EDNRA: variants seen among roughly 807,000 people sequenced by gnomAD.
EDNRA encodes endothelin-1 receptor.
A neutral mutation model predicts 41.4 loss-of-function variants in EDNRA; 11 were observed. The ratio of observed to expected loss-of-function variants is 0.27; its 90% CI spans 0.17 to 0.44. EDNRA has a LOEUF of 0.44. EDNRA is among the 20% of genes least tolerant of loss of function. The pLI is 1.00. For missense variants in EDNRA, 294 were observed against 531.0 expected, an observed-to-expected ratio of 0.55 and a Z score of 4.39; for synonymous variants, 172 against 183.0, an observed-to-expected ratio of 0.94 and a Z score of 0.49.
chr4:147,520,486 G>T (rs1730285577), intron 3 of EDNRA: 1 of 518,234 alleles, frequency 1.9e-6, no homozygotes, highest in African/African-American at 1.9e-5. Context: ...ATCCAATTCT[G>T]AAAACTCCAT....
intron 2 of EDNRA, chr4:147,487,850 C>A (rs1462662652): frequency 6.6e-6 from 1 of 152,182 alleles, no homozygotes; most frequent in Non-Finnish European, 1.5e-5. Flanking sequence ...GAATTTAGAA[C>A]TAAACTATGA....
intron 3 of EDNRA, among the ~76,000 whole-genome samples, chr4:147,528,403 G>C (rs1730629956): frequency 2.7e-5 from 4 of 147,878 alleles, no homozygotes; most frequent in African/African-American, 1.0e-4. Context: ...TGTCACCCAG[G>C]CTGGAGTGCA....
intron 3 of EDNRA, among the ~76,000 whole-genome samples, chr4:147,528,669 G>A (rs1281172383): frequency 6.6e-6 from 1 of 152,090 alleles, no homozygotes; most frequent in Admixed American, 6.6e-5. Context: ...GGAGAGCATA[G>A]ATGATAAACC....
At chr4:147,539,262 A>T (rs1218286370) in intron 5 of EDNRA, among the ~76,000 whole-genome samples, 1 of 152,068 alleles carries the variant, frequency 6.6e-6, no homozygotes, top group Non-Finnish European at 1.5e-5. Flanking sequence ...GAAAAGGAAA[A>T]AACATAGTGC....
At position 147,485,789 on chromosome 4, in the gene EDNRA, T is replaced by C. The variant is rs1347289323; in HGVS notation, c.108T>C (p.Asp36=). ...YSTNLSNHVD[D]FTTFRGTELS... ...CAAATCTAAGCAATCATGTGGATGATTTCACCACTTTTCGTGGCACAGAGC... is the reference window on the plus strand; with the variant it reads ...CAAATCTAAGCAATCATGTGGATGACTTCACCACTTTTCGTGGCACAGAGC... Residue 36 remains aspartate, a synonymous_variant, in exon 2 of 8, where the codon GAT becomes GAC. Transcript: ENST00000651419. 5 of 1,614,130 alleles carry C rather than the reference T, an allele frequency of 3.1e-6. No individual in the cohort carries two copies.
Position 147,516,829 on chromosome 4 carries a change from T to C in EDNRA, c.421-3022T>C, listed in dbSNP as rs369398563. On this transcript the variant is annotated intron_variant, in intron 2 of 7. Coordinates refer to ENST00000651419, the MANE Select transcript of EDNRA (RefSeq NM_001957.4). ...AGGATGTATTCTCTTAAACAGTTAC[T>C]TATTTATTCCTCTCCTAGTCTATTT... Among the ~76,000 whole-genome samples the C allele has an allele frequency of 1.3e-4, 20 of 152,338 alleles. No individual in the cohort carries two copies. In the East Asian group the frequency reaches 2.3e-3, roughly 18 times the overall value.
chr4:147,534,111 T>C (rs957627354), intron 4 of EDNRA, among the ~76,000 whole-genome samples: 2 of 152,190 alleles, frequency 1.3e-5, no homozygotes, highest in African/African-American at 4.8e-5. Flanking sequence ...CTGTGGGCCT[T>C]TGCCATGGAG....
In EDNRA at chr4:147,540,028, C is replaced by A. The variant is rs1242038865; in HGVS notation, c.1034+78C>A. 5 of 1,511,396 alleles carry A rather than the reference C, an allele frequency of 3.3e-6. No homozygotes were observed. The African/African-American group carries it at 5.6e-5, about 17-fold the overall frequency. The allele number at this position is 1,511,396 out of a possible 1,614,324, so 93.6% of individuals were successfully genotyped here. ...TATAATACTTTTACAAAACCAGCTA[C>A]TCTACATGCCCGTTAGCCCTGAAAA... is the stretch of plus-strand genomic sequence containing the variant. On this transcript the variant is annotated intron_variant, in intron 6 of 7. Coordinates refer to ENST00000651419, the MANE Select transcript of EDNRA (RefSeq NM_001957.4).
At chr4:147,507,193 C>T (rs1729746927) in intron 2 of EDNRA, among the ~76,000 whole-genome samples, 1 of 148,404 alleles carries the variant, frequency 6.7e-6, no homozygotes, top group East Asian at 1.9e-4. Flanking sequence ...AATAAAAAGC[C>T]AAAGTTCCTT....
At chr4:147,527,413 G>A (rs10028507) in intron 3 of EDNRA, among the ~76,000 whole-genome samples, 52,662 of 152,070 alleles carry the variant, frequency 0.35, 10,935 homozygotes, top group African/African-American at 0.59. Flanking sequence ...GGCCACGCCC[G>A]TGTAGAAACA....
intron 5 of EDNRA, among the ~76,000 whole-genome samples, chr4:147,537,557 A>C (rs931703654): frequency 6.6e-6 from 1 of 152,080 alleles, no homozygotes; most frequent in Non-Finnish European, 1.5e-5. Flanking sequence ...TGTGGAAATA[A>C]TTAAATAGTT....
At chr4:147,525,679 G>C (rs2126460674) in intron 3 of EDNRA, among the ~76,000 whole-genome samples, 1 of 151,650 alleles carries the variant, frequency 6.6e-6, no homozygotes, top group South Asian at 2.1e-4. Context: ...GGAAGATGAT[G>C]ATGATGGGGT....
Position 147,519,426 on chromosome 4 carries a change from G to A in EDNRA, c.421-425G>A, listed in dbSNP as rs1730235772. On this transcript the variant is annotated intron_variant, in intron 2 of 7. Transcript: ENST00000651419. The surrounding 1 kb of genome is among the most constrained non-coding windows in gnomAD (Gnocchi z 4.1). ...CCACTGTCGGCTTCTCAGTTGAGCT[G>A]TCTCCCAAAATCCCAAACTTTTACT... Among the ~76,000 whole-genome samples the A allele has an allele frequency of 6.6e-6, 1 of 152,040 alleles. No individual in the cohort carries two copies. Among genetic ancestry groups the A allele is most frequent in the Admixed American group, 6.6e-5 (1 of 15,254 alleles).
intron 1 of EDNRA, among the ~76,000 whole-genome samples, chr4:147,483,453 T>C (rs1342663545): frequency 6.6e-6 from 1 of 152,304 alleles, no homozygotes; most frequent in Admixed American, 6.5e-5. Context: ...CAGATACATA[T>C]ATAATAAGTT....
intron 3 of EDNRA, among the ~76,000 whole-genome samples, chr4:147,522,055 TTAA>T (rs1373862445): frequency 2.0e-5 from 3 of 152,156 alleles, no homozygotes; most frequent in Non-Finnish European, 2.9e-5. Context: ...CAAGAATGTA[TTAA>T]TAATATAGGC....
intron 2 of EDNRA, among the ~76,000 whole-genome samples, chr4:147,500,703 T>G (rs1729487795): frequency 1.4e-5 from 2 of 144,368 alleles, no homozygotes; most frequent in Non-Finnish European, 1.5e-5. Flanking sequence ...GAAAAAAAAA[T>G]GTTGGGAGGA....
chr4:147,498,878 T>C (rs535168597), intron 2 of EDNRA, among the ~76,000 whole-genome samples: 1 of 152,334 alleles, frequency 6.6e-6, no homozygotes, highest in Admixed American at 6.5e-5. Flanking sequence ...ATACTGGGAT[T>C]ACAGGCATGA....
At chr4:147,510,982 A>G (rs947848035) in intron 2 of EDNRA, among the ~76,000 whole-genome samples, 1 of 152,240 alleles carries the variant, frequency 6.6e-6, no homozygotes, top group African/African-American at 2.4e-5. Flanking sequence ...TTCAGAGAGT[A>G]TCTAGTTCTA....
At chr4:147,529,750 T>C (rs763049467) in intron 3 of EDNRA, among the ~76,000 whole-genome samples, 3 of 152,228 alleles carry the variant, frequency 2.0e-5, no homozygotes, top group Non-Finnish European at 4.4e-5. Context: ...GAGAAAAGCA[T>C]ATTTGTGTGT....
Sources: gnomAD v4.1 joint callset for allele counts (sites outside exome capture counted in the v4.1 genomes callset) on GRCh38, gnomAD v4.1.1 for gene constraint, Gnocchi (gnomAD v3.1) non-coding constraint, MANE v1.5 for transcripts, NCBI Gene and HGNC (gene_info 2026-07-23, HGNC 2026-07-21) for gene names.